EPHA5: variants seen among roughly 807,000 people sequenced by gnomAD.
EPHA5 encodes the protein ephrin type-A receptor 5.
Under a neutral mutation model 105.0 loss-of-function variants are expected in EPHA5, and 60 were observed. The ratio of observed to expected loss-of-function variants is 0.57; its 90% CI spans 0.46 to 0.71. The LOEUF (loss-of-function observed/expected upper bound fraction) is 0.71. Ranked by LOEUF, EPHA5 falls within the 30% of genes least tolerant of loss-of-function variation. The pLI is 0.00. For missense variants in EPHA5, 1,218 were observed against 1,274.7 expected, an observed-to-expected ratio of 0.96 and a Z score of 0.68; for synonymous variants, 513 against 449.1, an observed-to-expected ratio of 1.14 and a Z score of -1.80.
At chr4:65,582,708 T>C (rs941839001) in intron 3 of EPHA5, among the ~76,000 whole-genome samples, 12 of 151,632 alleles carry the variant, frequency 7.9e-5, no homozygotes, top group Non-Finnish European at 1.6e-4. Context: ...TGCAGCTGTG[T>C]TGTGTGTGTG....
chr4:65,659,314 TAACAGAAAAAAAAA>T (rs1749338077), intron 1 of EPHA5, among the ~76,000 whole-genome samples: 2 of 66,332 alleles, frequency 3.0e-5, no homozygotes, highest in African/African-American at 1.5e-4. Context: ...TATACTAGAG[TAACAGAAAAAAAAA>T]AAAAAAAAAA....
chr4:65,642,118 C>G (rs1747723058), intron 2 of EPHA5, among the ~76,000 whole-genome samples: 1 of 151,916 alleles, frequency 6.6e-6, no homozygotes, highest in Non-Finnish European at 1.5e-5. Flanking sequence ...CATATATTTT[C>G]TCTGGATTCT....
At chr4:65,382,045 C>T (rs1394982027) in intron 8 of EPHA5, among the ~76,000 whole-genome samples, 2 of 151,782 alleles carry the variant, frequency 1.3e-5, no homozygotes, top group East Asian at 1.9e-4. Flanking sequence ...AAATTATGCA[C>T]TTAACATGAA....
rs370875338 is a variant in EPHA5 at position 65,483,011 on chromosome 4, G to A, written c.1402+7366C>T. On this transcript the variant is annotated intron_variant, in intron 5 of 16. Transcript: ENST00000613740. Reference sequence around the variant, plus strand: ...ATCTCCTAATGCTATCCCTCCTCACGCCCTCCACCCCACAACAGGCCCCAG... The same window carrying A: ...ATCTCCTAATGCTATCCCTCCTCACACCCTCCACCCCACAACAGGCCCCAG... 3.7e-4 allele frequency among the ~76,000 whole-genome samples: 56 copies of A among 151,934 alleles called. No individual in the cohort carries two copies. In the East Asian group the frequency reaches 0.01, roughly 27 times the overall value.
At chr4:65,348,242 T>C in intron 13 of EPHA5, 39 bp from the exon 14 acceptor site, 1 of 1,575,616 alleles carries the variant, frequency 6.3e-7, no homozygotes, top group Middle Eastern at 1.7e-4. Flanking sequence ...CCTACATACT[T>C]CAAATGTGCC....
chr4:65,427,892 T>C (rs910790298), intron 5 of EPHA5, among the ~76,000 whole-genome samples: 1 of 152,204 alleles, frequency 6.6e-6, no homozygotes, highest in Admixed American at 6.6e-5. Flanking sequence ...TCTTTCAGTA[T>C]TTATCTTTAC....
chr4:65,627,693 A>G (rs1746276796), intron 2 of EPHA5, among the ~76,000 whole-genome samples: 1 of 152,146 alleles, frequency 6.6e-6, no homozygotes, highest in African/African-American at 2.4e-5. Flanking sequence ...CTTTTAGAAA[A>G]ATAAAAATTA....
chr4:65,669,524 G>T, intron 1 of EPHA5, 38 bp downstream of exon 1: 1 of 1,342,034 alleles, frequency 7.5e-7, no homozygotes, highest in Non-Finnish European at 9.6e-7. Context: ...TAGCCCCTCC[G>T]CCCCAGGTCG....
chr4:65,337,948 C>T lies in EPHA5; in HGVS notation c.2596-1823G>A, dbSNP rs78726539. Among the ~76,000 whole-genome samples the T allele has an allele frequency of 3.1e-3, 471 of 152,094 alleles. 18 individuals are homozygous for T. In the East Asian group the frequency reaches 0.083, roughly 27 times the overall value. On this transcript the variant is annotated intron_variant, in intron 14 of 16. Transcript: ENST00000613740. ...CAAAAGTCCTAAGAGCAGCCTACTA[C>T]CTTAATTAATTTACCTCAAAAACAA...
intron 12 of EPHA5, 40 bp from the exon 13 acceptor site, chr4:65,351,638 A>G (rs761675085): frequency 3.8e-6 from 6 of 1,568,438 alleles, no homozygotes; most frequent in African/African-American, 2.7e-5. Flanking sequence ...AGCAACACCA[A>G]TCACTGGGGG....
At chr4:65,437,123 C>A (rs532024537) in intron 5 of EPHA5, among the ~76,000 whole-genome samples, 2 of 152,118 alleles carry the variant, frequency 1.3e-5, no homozygotes, top group South Asian at 2.1e-4. Context: ...GAAGTGTTAA[C>A]ACTATGATAA....
chr4:65,560,453 T>C (rs1377425992), intron 3 of EPHA5, among the ~76,000 whole-genome samples: 4 of 152,122 alleles, frequency 2.6e-5, no homozygotes, highest in African/African-American at 9.7e-5. Flanking sequence ...GAAGATCTTT[T>C]CAAATAATTT....
chr4:65,424,440 C>T (rs922596305), intron 5 of EPHA5, among the ~76,000 whole-genome samples: 3 of 151,982 alleles, frequency 2.0e-5, no homozygotes, highest in Non-Finnish European at 4.4e-5. Context: ...TATAAATGTG[C>T]TTTCAATCTT....
intron 2 of EPHA5, among the ~76,000 whole-genome samples, chr4:65,609,092 C>A (rs750728625): frequency 6.6e-6 from 1 of 152,088 alleles, no homozygotes; most frequent in Non-Finnish European, 1.5e-5. Context: ...CATTGGGCAA[C>A]AGAAGCATCT....
At chr4:65,361,580 C>A (rs1195855254) in intron 11 of EPHA5, among the ~76,000 whole-genome samples, 2 of 151,290 alleles carry the variant, frequency 1.3e-5, no homozygotes, top group African/African-American at 2.4e-5. Flanking sequence ...TATAATAAGA[C>A]CCTGTATAAA....
chr4:65,471,557 G>A, intron 5 of EPHA5, among the ~76,000 whole-genome samples: 1 of 152,148 alleles, frequency 6.6e-6, no homozygotes, highest in Non-Finnish European at 1.5e-5. Context: ...ATAAACAAAA[G>A]AGGCTTAATT....
chr4:65,582,454 C>T (rs1451426791), intron 3 of EPHA5, among the ~76,000 whole-genome samples: 2 of 143,010 alleles, frequency 1.4e-5, no homozygotes, highest in African/African-American at 5.1e-5. Context: ...GCCTGGACAC[C>T]AAAAGGGACT....
chr4:65,580,053 T>C (rs73824320), intron 3 of EPHA5, among the ~76,000 whole-genome samples: 3,681 of 151,934 alleles, frequency 0.024, 146 homozygotes, highest in African/African-American at 0.084. Flanking sequence ...CTGCTAATAA[T>C]CCAATGACTT....
intron 1 of EPHA5, among the ~76,000 whole-genome samples, chr4:65,645,114 T>C (rs2149517985): frequency 6.6e-6 from 1 of 152,134 alleles, no homozygotes; most frequent in South Asian, 2.1e-4. Flanking sequence ...ACTCACTACA[T>C]CTAATTTTTC....
Sources: gnomAD v4.1 joint callset for allele counts (sites outside exome capture counted in the v4.1 genomes callset) on GRCh38, gnomAD v4.1.1 for gene constraint, MANE v1.5 for transcripts, NCBI Gene and HGNC (gene_info 2026-07-23, HGNC 2026-07-21) for gene names.